Variants in CSPG5 observed in about 807,000 individuals in gnomAD.
The protein encoded by CSPG5 is chondroitin sulfate proteoglycan 5.
CSPG5 carries 25 observed loss-of-function variants against 39.8 expected under a neutral mutation model. The ratio of observed to expected loss-of-function variants is 0.63; its 90% CI spans 0.46 to 0.88. The LOEUF (loss-of-function observed/expected upper bound fraction) is 0.88. CSPG5 is among the 40% of genes least tolerant of loss of function. The probability of loss-of-function intolerance (pLI) is 0.00; values close to 1 mark genes in which losing one functional copy is unlikely to be tolerated. For synonymous variants in CSPG5, 295 were observed against 303.9 expected (o/e 0.97, Z 0.31); for missense variants, 627 against 702.2 (o/e 0.89, Z 1.21).
At chr3:47,564,965 C>T (rs905378720) in intron 4 of CSPG5, among the ~76,000 whole-genome samples, 13 of 152,074 alleles carry the variant, frequency 8.5e-5, no homozygotes, top group African/African-American at 2.9e-4. Context: ...AAATCTAGAA[C>T]AGGACAAGAG....
At chr3:47,564,570 T>A (rs932070595) in intron 4 of CSPG5, among the ~76,000 whole-genome samples, 1 of 152,162 alleles carries the variant, frequency 6.6e-6, no homozygotes, top group Non-Finnish European at 1.5e-5. Flanking sequence ...CTGAGGCAGA[T>A]GTCAGGTAAG....
At chr3:47,567,666 C>A (rs1576369148) in intron 4 of CSPG5, among the ~76,000 whole-genome samples, 1 of 152,216 alleles carries the variant, frequency 6.6e-6, no homozygotes, top group East Asian at 1.9e-4. Flanking sequence ...TGAGGCCACA[C>A]ATTTACTCTT....
chr3:47,571,722 C>A (rs1036569917), intron 3 of CSPG5, among the ~76,000 whole-genome samples: 2 of 152,094 alleles, frequency 1.3e-5, no homozygotes, highest in Admixed American at 6.5e-5. Flanking sequence ...CAGTCACATT[C>A]TCTAGAGGGA....
At chr3:47,565,347 A>C (rs551440262) in intron 4 of CSPG5, among the ~76,000 whole-genome samples, 1 of 152,380 alleles carries the variant, frequency 6.6e-6, no homozygotes, top group African/African-American at 2.4e-5. Flanking sequence ...GTCTACACCA[A>C]GATGGGGCTC....
Position 47,572,632 on chromosome 3 carries a change from C to A in CSPG5, c.1382+54G>T. On this transcript the variant is annotated intron_variant, in intron 3 of 4. Coordinates refer to ENST00000264723, the MANE Select transcript of CSPG5 (RefSeq NM_006574.4). The surrounding 1 kb of genome is among the most constrained non-coding windows in gnomAD (Gnocchi z 4.5). ...ATCAGTTGGAGGGGTGCAGCAGCGT[C>A]GGGGGGCCTCCCACACCCTGACCTG... is the stretch of plus-strand genomic sequence containing the variant. The A allele has an allele frequency of 3.3e-6, 5 of 1,507,068 alleles. No homozygotes were observed. The highest frequency in any genetic ancestry group is 4.6e-6 in the Non-Finnish European group (5 of 1,089,536). The allele number at this position is 1,507,068 out of a possible 1,614,324, so 93.4% of individuals were successfully genotyped here.
intron 3 of CSPG5, among the ~76,000 whole-genome samples, chr3:47,569,606 A>G (rs2031450892): frequency 6.6e-6 from 1 of 151,908 alleles, no homozygotes. Flanking sequence ...TCCATCTCAA[A>G]AAAAAAAAAA....
At chr3:47,574,736 G>A (rs527800481) in intron 2 of CSPG5, among the ~76,000 whole-genome samples, 5 of 152,162 alleles carry the variant, frequency 3.3e-5, no homozygotes, top group Middle Eastern at 3.4e-3. Context: ...TCAGGAGATT[G>A]AAACCATCCT....
At chr3:47,575,242 A>G (rs1377245326) in intron 2 of CSPG5, among the ~76,000 whole-genome samples, 1 of 152,202 alleles carries the variant, frequency 6.6e-6, no homozygotes, top group Non-Finnish European at 1.5e-5. Context: ...CCTGGCCAAT[A>G]TGGTGAAACC....
At chr3:47,567,940 A>G (rs1022358494) in intron 4 of CSPG5, among the ~76,000 whole-genome samples, 6 of 152,332 alleles carry the variant, frequency 3.9e-5, no homozygotes, top group African/African-American at 1.4e-4. Flanking sequence ...TGAGCCCAGG[A>G]GTCTAGGTCT....
intron 4 of CSPG5, among the ~76,000 whole-genome samples, chr3:47,563,913 C>T (rs1322654883): frequency 6.6e-6 from 1 of 152,194 alleles, no homozygotes; most frequent in African/African-American, 2.4e-5. Flanking sequence ...TCCAGGTCTA[C>T]ATTCTGCACG....
At chr3:47,566,158 A>G (rs2031292274) in intron 4 of CSPG5, among the ~76,000 whole-genome samples, 1 of 152,258 alleles carries the variant, frequency 6.6e-6, no homozygotes, top group Admixed American at 6.5e-5. Context: ...ACAGTGTAGG[A>G]AAATGACCTG....
At chr3:47,570,940 A>T (rs1261543299) in intron 3 of CSPG5, among the ~76,000 whole-genome samples, 1 of 152,176 alleles carries the variant, frequency 6.6e-6, no homozygotes, top group Non-Finnish European at 1.5e-5. Context: ...CATAACTACC[A>T]TATGGCCAAC....
At chr3:47,569,706 A>G (rs1454894137) in intron 3 of CSPG5, among the ~76,000 whole-genome samples, 1 of 151,164 alleles carries the variant, frequency 6.6e-6, no homozygotes. Context: ...ACAGAATTGT[A>G]CCTGGTGCTG....
chr3:47,562,396 A>G lies in CSPG5; in HGVS notation c.*204T>C. Reference sequence around the variant, plus strand: ...CAGACAGCACAGAAAAAACAACCCAATGTATGCAATTCTGTTCAGTTTCTT... The same window carrying G: ...CAGACAGCACAGAAAAAACAACCCAGTGTATGCAATTCTGTTCAGTTTCTT... On this transcript the variant is annotated 3_prime_UTR_variant, in exon 5 of 5. Transcript: ENST00000264723. The G allele has an allele frequency of 2.2e-6, 1 of 449,688 alleles. No individual in the cohort carries two copies. The allele number at this position is 449,688 out of a possible 1,614,324, so 27.9% of individuals were successfully genotyped here. A position where few individuals can be genotyped will look rare whatever the true frequency, so the allele number is the denominator to read the frequency against.
chr3:47,568,571 C>T (rs2031398399), intron 4 of CSPG5, among the ~76,000 whole-genome samples: 1 of 152,154 alleles, frequency 6.6e-6, no homozygotes, highest in Admixed American at 6.5e-5. Flanking sequence ...AGTCTTTCCA[C>T]CCATCCCAAA....
intron 4 of CSPG5, among the ~76,000 whole-genome samples, chr3:47,565,014 G>A (rs146908120): frequency 0.016 from 2,449 of 152,172 alleles, 30 homozygotes; most frequent in Non-Finnish European, 0.025. Context: ...GATACAACTT[G>A]CTTTTATGTC....
intron 3 of CSPG5, among the ~76,000 whole-genome samples, chr3:47,569,907 C>A (rs1002532978): frequency 6.6e-6 from 1 of 151,462 alleles, no homozygotes; most frequent in Non-Finnish European, 1.5e-5. Flanking sequence ...GCCACCATGC[C>A]CAGGTAATTT....
At chr3:47,564,556 A>G (rs1213822056) in intron 4 of CSPG5, among the ~76,000 whole-genome samples, 3 of 152,314 alleles carry the variant, frequency 2.0e-5, no homozygotes, top group South Asian at 4.1e-4. Context: ...AACTTCATAG[A>G]GTACTGAGGC....
intron 4 of CSPG5, among the ~76,000 whole-genome samples, chr3:47,564,536 CAAG>C (rs1436207796): frequency 9.9e-5 from 15 of 152,176 alleles, no homozygotes; most frequent in African/African-American, 3.6e-4. Context: ...GAGACAAGAA[CAAG>C]AAAATGAACT....
Sources: allele counts gnomAD v4.1 joint callset (sites outside exome capture counted in the v4.1 genomes callset), GRCh38; gene constraint gnomAD v4.1.1; non-coding constraint Gnocchi (gnomAD v3.1); transcripts MANE v1.5; gene names NCBI Gene and HGNC (gene_info 2026-07-23, HGNC 2026-07-21).